MAP4K5: variants seen among roughly 807,000 people sequenced by gnomAD.
MAP4K5 encodes the protein mitogen-activated protein kinase kinase kinase kinase 5.
In MAP4K5, 82 loss-of-function variants were observed where a neutral mutation model predicts 135.6. The observed-to-expected ratio is 0.60, with a 90% CI of 0.51 to 0.73. MAP4K5 has a LOEUF of 0.73. Ranked by LOEUF, MAP4K5 falls within the 30% of genes least tolerant of loss-of-function variation. The pLI is 0.00. For missense variants in MAP4K5, 907 were observed against 1,010.9 expected (o/e 0.90, Z 1.39); for synonymous variants, 347 against 335.0 (o/e 1.04, Z -0.39).
In MAP4K5 at chr14:50,546,822, G is replaced by A. The variant is rs1286296428; in HGVS notation, c.-179-4238C>T. 5.8e-5 allele frequency among the ~76,000 whole-genome samples: 5 copies of A among 86,502 alleles called. No individual in the cohort carries two copies. In the South Asian group the frequency reaches 2.1e-3, roughly 36 times the overall value. The allele number at this position is 86,502 out of a possible 152,430, so 56.7% of individuals were successfully genotyped here. On this transcript the variant is annotated intron_variant, in intron 1 of 8. Coordinates refer to the MAP4K5 transcript ENST00000555216. ...AAATCTTCTGAATTATCAGCAAAAT[G>A]CCCATGTGTTTAAGGTTTTTTTTTA...
chr14:50,495,050 CA>C (rs2037564650), intron 3 of MAP4K5, among the ~76,000 whole-genome samples: 1 of 152,042 alleles, frequency 6.6e-6, no homozygotes, highest in Non-Finnish European at 1.5e-5. Context: ...ACCAAAAGCA[CA>C]GGCAACAAAA....
Position 50,429,277 on chromosome 14 carries a change from C to A in MAP4K5, c.2165-17G>T. On this transcript the variant is annotated splice_polypyrimidine_tract_variant and intron_variant, in intron 28 of 32. Transcript: ENST00000682126. Reference sequence around the variant, plus strand: ...GCTGGCTGCCTTAGGAAGTAAAAAACAAGGTTACAATTATACTTTTAAAAC... The same window carrying A: ...GCTGGCTGCCTTAGGAAGTAAAAAAAAAGGTTACAATTATACTTTTAAAAC... The A allele has an allele frequency of 6.7e-7, 1 of 1,499,650 alleles. No individual in the cohort carries two copies. 92.9% of individuals were successfully genotyped at this position (1,499,650 alleles called of 1,614,324 possible). A position where few individuals can be genotyped will look rare whatever the true frequency, so the allele number is the denominator to read the frequency against.
intron 2 of MAP4K5, among the ~76,000 whole-genome samples, chr14:50,510,723 G>T (rs181645124): frequency 1.8e-4 from 27 of 152,230 alleles, no homozygotes; most frequent in Non-Finnish European, 3.5e-4. Context: ...TTTTGTGGTA[G>T]AAAAATTAAA....
At position 50,429,251 on chromosome 14, in the gene MAP4K5, T is replaced by G. The variant is rs773012177; in HGVS notation, c.2174A>C (p.Gln725Pro). Residue 725 changes from glutamine (Q) to proline (P), a missense_variant, in exon 29 of 33, where the codon CAG becomes CCG. Around this residue, in one of 3 missense-constraint regions of MAP4K5, gnomAD observed 690 missense variants for 777.4 expected, o/e 0.89. Coordinates refer to ENST00000682126, the MANE Select transcript of MAP4K5 (RefSeq NM_006575.6). ...CTGTGTTACATGAATGGAATCTAAC[T>G]GCTGGCTGCCTTAGGAAGTAAAAAA... ...WFTEIGAGSQ[Q>P]LDSIHVTQLE... 15 of 1,560,898 alleles carry G rather than the reference T, an allele frequency of 9.6e-6. No homozygotes were observed. Among genetic ancestry groups the G allele is most frequent in the Non-Finnish European group, 1.3e-5 (15 of 1,150,560 alleles).
At chr14:50,488,702 A>T (rs1305696180) in intron 3 of MAP4K5, among the ~76,000 whole-genome samples, 1 of 152,232 alleles carries the variant, frequency 6.6e-6, no homozygotes, top group South Asian at 2.1e-4. Flanking sequence ...TCTATCAGGC[A>T]AGGTGAGGTC....
At chr14:50,506,641 C>T (rs537785282) in intron 2 of MAP4K5, among the ~76,000 whole-genome samples, 2 of 152,252 alleles carry the variant, frequency 1.3e-5, no homozygotes, top group East Asian at 3.9e-4. Flanking sequence ...TACAGTGAAC[C>T]ACCAGGCCTG....
At chr14:50,439,727 A>G (rs1412098349) in intron 23 of MAP4K5, among the ~76,000 whole-genome samples, 1 of 152,090 alleles carries the variant, frequency 6.6e-6, no homozygotes, top group Non-Finnish European at 1.5e-5. Flanking sequence ...TGACAGTGAT[A>G]GTGGAGGAGG....
At chr14:50,421,725 G>A (rs1327131586) in intron 32 of MAP4K5, among the ~76,000 whole-genome samples, 2 of 151,830 alleles carry the variant, frequency 1.3e-5, no homozygotes, top group East Asian at 1.9e-4. Context: ...CAGAGAATAC[G>A]AACAGGGAAG....
At chr14:50,554,282 C>T (rs937932719) in intron 1 of MAP4K5, among the ~76,000 whole-genome samples, 2 of 152,160 alleles carry the variant, frequency 1.3e-5, no homozygotes, top group Admixed American at 1.3e-4. Flanking sequence ...TGGTTACACA[C>T]CTTACCTACT....
At chr14:50,490,097 G>GAGAC (rs924725112) in intron 3 of MAP4K5, among the ~76,000 whole-genome samples, 3 of 146,950 alleles carry the variant, frequency 2.0e-5, no homozygotes, top group South Asian at 4.5e-4. Context: ...GTGAGAGAGA[G>GAGAC]AGACAGACAG....
chr14:50,432,098 T>A (rs2035984241), intron 28 of MAP4K5, among the ~76,000 whole-genome samples: 1 of 152,198 alleles, frequency 6.6e-6, no homozygotes, highest in Non-Finnish European at 1.5e-5. Flanking sequence ...CAGGCACTCA[T>A]TCAACAGATA....
chr14:50,554,110 T>C (rs200064971), intron 1 of MAP4K5, among the ~76,000 whole-genome samples: 1 of 112,502 alleles, frequency 8.9e-6, no homozygotes, highest in Non-Finnish European at 1.8e-5. Flanking sequence ...TTTTAAAAAG[T>C]TTTTTTTTTT....
chr14:50,497,936 CTG>C (rs1228785461), intron 3 of MAP4K5, among the ~76,000 whole-genome samples: 2 of 152,028 alleles, frequency 1.3e-5, no homozygotes, highest in Non-Finnish European at 2.9e-5. Flanking sequence ...TTTAAATAAA[CTG>C]TAATTTTCAT....
intron 16 of MAP4K5, among the ~76,000 whole-genome samples, chr14:50,446,518 T>C (rs996755130): frequency 5.3e-5 from 8 of 152,220 alleles, no homozygotes; most frequent in Non-Finnish European, 1.2e-4. Flanking sequence ...TGGCATCATC[T>C]GGGAACTTTT....
chr14:50,557,676 A>T (rs1402750480), intron 1 of MAP4K5, among the ~76,000 whole-genome samples: 1 of 152,218 alleles, frequency 6.6e-6, no homozygotes, highest in Non-Finnish European at 1.5e-5. Context: ...TTTTCATACT[A>T]TTGAGGTATT....
chr14:50,557,223 G>C (rs1217767745), intron 1 of MAP4K5, among the ~76,000 whole-genome samples: 2 of 152,156 alleles, frequency 1.3e-5, no homozygotes, highest in Non-Finnish European at 2.9e-5. Flanking sequence ...AAACATTACT[G>C]TTCTAAGACT....
At chr14:50,506,626 G>C (rs2037815425) in intron 2 of MAP4K5, among the ~76,000 whole-genome samples, 1 of 152,126 alleles carries the variant, frequency 6.6e-6, no homozygotes, top group African/African-American at 2.4e-5. Flanking sequence ...CTGAAGTGCT[G>C]GGATTACAGT....
intron 1 of MAP4K5, chr14:50,542,626 G>C (rs1164422828): frequency 6.6e-6 from 1 of 152,142 alleles, no homozygotes. Flanking sequence ...ATGTCCATTG[G>C]ACCTGCCCTT....
chr14:50,534,222 G>A (rs1321593219), upstream of MAP4K5, among the ~76,000 whole-genome samples: 1 of 152,068 alleles, frequency 6.6e-6, no homozygotes, highest in East Asian at 1.9e-4. Flanking sequence ...GGAATTTCAG[G>A]CAGCACACAG....
Sources: gnomAD v4.1 joint callset for allele counts (sites outside exome capture counted in the v4.1 genomes callset) on GRCh38, gnomAD v4.1.1 for gene constraint, gnomAD v4.1.1 regional missense constraint, MANE v1.5 for transcripts, NCBI Gene and HGNC (gene_info 2026-07-23, HGNC 2026-07-21) for gene names.